TBPL2: variants seen among roughly 807,000 people sequenced by gnomAD.
TBPL2 encodes TATA-box binding protein like 2, also known as TATA box-binding protein-like 2.
A neutral mutation model predicts 38.2 loss-of-function variants in TBPL2; 40 were observed. That is an observed-to-expected ratio of 1.05 (90% CI 0.81 to 1.36). The LOEUF is 1.36. Among genes scored for constraint, TBPL2 ranks in the 40% most tolerant of loss-of-function variants. TBPL2 has a pLI of 0.00. For missense variants in TBPL2, 461 were observed against 456.7 expected, an observed-to-expected ratio of 1.01 and a Z score of -0.09; for synonymous variants, 169 against 171.7, an observed-to-expected ratio of 0.98 and a Z score of 0.12.
chr14:55,439,799 C>G (rs1476532107), intron 1 of TBPL2, among the ~76,000 whole-genome samples: 3 of 151,636 alleles, frequency 2.0e-5, no homozygotes, highest in East Asian at 3.9e-4. Flanking sequence ...GGCGTAGTGG[C>G]GGGCTCCTGT....
At chr14:55,415,725 G>A (rs903560838) in intron 6 of TBPL2, among the ~76,000 whole-genome samples, 2 of 152,060 alleles carry the variant, frequency 1.3e-5, no homozygotes, top group Non-Finnish European at 2.9e-5. Flanking sequence ...AGAAAATTAG[G>A]CGTGGCGGTG....
exon 1 of TBPL2, chr14:55,440,591 T>A: frequency 6.5e-7 from 1 of 1,536,634 alleles, no homozygotes; most frequent in South Asian, 1.3e-5. Context: ...CGGCCCAGGT[T>A]CCTGCAGAGG....
At chr14:55,420,789 G>A (rs1160921250) in intron 6 of TBPL2, among the ~76,000 whole-genome samples, 1 of 152,106 alleles carries the variant, frequency 6.6e-6, no homozygotes, top group Non-Finnish European at 1.5e-5. Flanking sequence ...GTTGGGTGCG[G>A]TGGCTCACTC....
exon 1 of TBPL2, chr14:55,440,430 T>C: frequency 1.9e-6 from 3 of 1,612,910 alleles, no homozygotes; most frequent in Non-Finnish European, 2.5e-6. Flanking sequence ...GAGCTCCAGG[T>C]AGGTCTCCTC....
intron 6 of TBPL2, among the ~76,000 whole-genome samples, chr14:55,422,733 G>C (rs529933964): frequency 6.6e-6 from 1 of 152,056 alleles, no homozygotes; most frequent in Admixed American, 6.6e-5. Flanking sequence ...TGTGCCTGTA[G>C]TCTCAGCTAC....
exon 3 of TBPL2, chr14:55,435,897 C>T (rs564543911): frequency 1.1e-5 from 17 of 1,578,632 alleles, no homozygotes; most frequent in Non-Finnish European, 1.5e-5. Context: ...TTCTTCAGAT[C>T]CAACTTACAG....
At chr14:55,434,222 A>G (rs1885979008) in intron 3 of TBPL2, among the ~76,000 whole-genome samples, 1 of 152,216 alleles carries the variant, frequency 6.6e-6, no homozygotes, top group Non-Finnish European at 1.5e-5. Context: ...AAGAGTCTGT[A>G]TGATAGGCAT....
At chr14:55,432,690 G>C (rs899105408) in intron 4 of TBPL2, among the ~76,000 whole-genome samples, 3 of 152,164 alleles carry the variant, frequency 2.0e-5, no homozygotes, top group African/African-American at 7.2e-5. Flanking sequence ...TCGACACCCA[G>C]TGTCCACAGG....
chr14:55,433,309 C>CTTTTT lies in TBPL2; in HGVS notation c.788+316_788+320dup, dbSNP rs71131269. Among the ~76,000 whole-genome samples the CTTTTT allele has an allele frequency of 9.9e-4, 119 of 119,888 alleles. 1 individual carries two copies. Among genetic ancestry groups the CTTTTT allele is most frequent in the African/African-American group, 3.8e-3 (115 of 30,122 alleles). 78.7% of individuals were successfully genotyped at this position (119,888 alleles called of 152,430 possible). ...ACATCCAGCTACTTTTTAGATTTCT[C>CTTTTT]TTTTTTTTTTTTTTTTTTTTTTTAA... On this transcript the variant is annotated intron_variant, in intron 4 of 6. Coordinates refer to ENST00000247219, the Ensembl canonical transcript of TBPL2.
At chr14:55,432,246 A>AG (rs1491440427) in intron 4 of TBPL2, among the ~76,000 whole-genome samples, 2 of 13,224 alleles carry the variant, frequency 1.5e-4, no homozygotes, top group African/African-American at 3.7e-4. Flanking sequence ...CCGTCTCTAC[A>AG]AAAAAAAAAA....
intron 5 of TBPL2, among the ~76,000 whole-genome samples, chr14:55,428,116 TATC>T (rs1459663333): frequency 1.5e-5 from 2 of 130,024 alleles, no homozygotes; most frequent in African/African-American, 3.1e-5. Context: ...TCACATGCCT[TATC>T]TTTTTTTTTT....
intron 3 of TBPL2, 43 bp downstream of exon 3, chr14:55,435,804 T>C: frequency 7.6e-7 from 1 of 1,318,066 alleles, no homozygotes; most frequent in East Asian, 2.6e-5. Context: ...AAAGTAAATC[T>C]AAAGAGAAGC....
At chr14:55,414,365 G>T in exon 7 of TBPL2, 1 of 1,577,358 alleles carries the variant, frequency 6.3e-7, no homozygotes, top group Non-Finnish European at 8.6e-7. Context: ...AATGTGAGAT[G>T]CTGAATGATA....
intron 6 of TBPL2, among the ~76,000 whole-genome samples, chr14:55,418,627 C>G (rs1403968262): frequency 2.0e-5 from 3 of 152,310 alleles, no homozygotes; most frequent in African/African-American, 7.2e-5. Context: ...GCCCTCTGAC[C>G]TACTCATTTC....
intron 6 of TBPL2, among the ~76,000 whole-genome samples, chr14:55,422,926 A>G (rs1385050295): frequency 6.6e-6 from 1 of 152,136 alleles, no homozygotes; most frequent in Non-Finnish European, 1.5e-5. Flanking sequence ...AAGAGTCTGA[A>G]CCATTCCCTC....
At chr14:55,427,342 AAAAT>A (rs1433967272) in intron 5 of TBPL2, among the ~76,000 whole-genome samples, 1 of 152,226 alleles carries the variant, frequency 6.6e-6, no homozygotes, top group Non-Finnish European at 1.5e-5. Context: ...TGTCAAAAGA[AAAAT>A]AAGCATATCA....
At chr14:55,424,928 A>C (rs1885798591) in intron 5 of TBPL2, among the ~76,000 whole-genome samples, 1 of 152,202 alleles carries the variant, frequency 6.6e-6, no homozygotes, top group African/African-American at 2.4e-5. Context: ...TGAGGAACCT[A>C]CCAAAAAGAA....
rs183007186 is a variant in TBPL2 at position 55,439,095 on chromosome 14, G to A, written c.150+1301C>T. 3.7e-4 allele frequency among the ~76,000 whole-genome samples: 56 copies of A among 151,716 alleles called. 1 individual carries two copies. The East Asian group carries it at 7.6e-3, about 21-fold the overall frequency. ...TGGGACTACAGGCTCCTGCCACCAC[G>A]CCCAGCTAATTTTTGTATTTTTTAG... On this transcript the variant is annotated intron_variant, in intron 1 of 6. Coordinates refer to ENST00000247219, the Ensembl canonical transcript of TBPL2.
chr14:55,433,812 C>A, intron 3 of TBPL2, 91 bp from the exon 4 acceptor site: 2 of 1,143,560 alleles, frequency 1.7e-6, no homozygotes, highest in South Asian at 1.6e-5. Flanking sequence ...AAATCTCAAA[C>A]AGATTGGATG....
Sources: gnomAD v4.1 joint callset for allele counts (sites outside exome capture counted in the v4.1 genomes callset) on GRCh38, gnomAD v4.1.1 for gene constraint, MANE v1.5 for transcripts, NCBI Gene and HGNC (gene_info 2026-07-23, HGNC 2026-07-21) for gene names.